Variants in LRRC37B observed in about 807,000 individuals in gnomAD.
LRRC37B encodes leucine rich repeat containing 37B.
A neutral mutation model predicts 98.3 loss-of-function variants in LRRC37B; 28 were observed. That is an observed-to-expected ratio of 0.28 (90% CI 0.21 to 0.39). The LOEUF is 0.39. Among genes scored for constraint, LRRC37B ranks in the 10% least tolerant of loss-of-function variants. The probability of loss-of-function intolerance (pLI) is 1.00; values close to 1 mark genes in which losing one functional copy is unlikely to be tolerated. For missense variants in LRRC37B, 938 were observed against 1,182.7 expected (o/e 0.79, Z 3.03); for synonymous variants, 364 against 442.7 (o/e 0.82, Z 2.23).
At chr17:32,043,845 A>G (rs556566846) in intron 7 of LRRC37B, among the ~76,000 whole-genome samples, 2 of 145,454 alleles carry the variant, frequency 1.4e-5, no homozygotes, top group South Asian at 2.4e-4. Context: ...TGGCCCTAAC[A>G]AAGTCATCCT....
Position 32,021,377 on chromosome 17 carries a change from C to T in LRRC37B, c.312C>T (p.Pro104=), listed in dbSNP as rs757040440. The change falls in exon 1 of 12, where the codon CCC becomes CCT. Residue 104 remains proline (P), a synonymous_variant. Coordinates refer to ENST00000327564, the Ensembl canonical transcript of LRRC37B. Reference sequence around the variant, plus strand: ...CGGGGGACTTTGATTACCTGGGGCCCTCTGCTTCTTCGCAGATGTCAGCCC... The same window carrying T: ...CGGGGGACTTTGATTACCTGGGGCCTTCTGCTTCTTCGCAGATGTCAGCCC... The T allele has an allele frequency of 3.1e-6, 5 of 1,613,962 alleles. No individual in the cohort carries two copies. The South Asian group carries it at 5.5e-5, about 18-fold the overall frequency.
chr17:32,044,628 C>T (rs536245027), intron 7 of LRRC37B, among the ~76,000 whole-genome samples: 364 of 152,180 alleles, frequency 2.4e-3, no homozygotes, highest in African/African-American at 7.9e-3. Context: ...ACTTGTAATC[C>T]CAGCACTTTG....
intron 7 of LRRC37B, among the ~76,000 whole-genome samples, chr17:32,038,141 G>C (rs1191529514): frequency 6.6e-6 from 1 of 150,960 alleles, no homozygotes; most frequent in Non-Finnish European, 1.5e-5. Context: ...AAAAAAAAAA[G>C]AGTGCTTTAT....
At chr17:32,031,778 C>T (rs1247357476) in intron 5 of LRRC37B, among the ~76,000 whole-genome samples, 4 of 151,370 alleles carry the variant, frequency 2.6e-5, no homozygotes, top group African/African-American at 4.8e-5. Context: ...CTGAGGGGGG[C>T]GGATCACCTG....
At chr17:32,007,639 G>A (rs1220524871), upstream of LRRC37B, among the ~76,000 whole-genome samples, 3 of 151,306 alleles carry the variant, frequency 2.0e-5, no homozygotes, top group African/African-American at 7.3e-5. This position sits in a 1 kb window ranked among gnomAD's most constrained non-coding sequence, Gnocchi z 4.1. Flanking sequence ...CGACCAAGCA[G>A]CCCGCGGCTC....
Position 32,034,906 on chromosome 17 carries a change from T to C in LRRC37B, c.2058-4T>C. 6.2e-7 allele frequency: 1 copy of C among 1,608,486 alleles called. No homozygotes were observed. The highest frequency in any genetic ancestry group is 8.5e-7 in the Non-Finnish European group (1 of 1,176,120). On this transcript the variant is annotated splice_polypyrimidine_tract_variant and splice_region_variant and intron_variant, in intron 5 of 11. Coordinates refer to ENST00000327564, the Ensembl canonical transcript of LRRC37B. The stretch of plus-strand genomic sequence containing the variant: ...GGTAATTTTAATTTCATTGCATTTT[T>C]CAGAATTCTCAATCGCAATCCTCTG...
At chr17:32,034,227 C>T (rs960465492) in intron 5 of LRRC37B, among the ~76,000 whole-genome samples, 1 of 151,898 alleles carries the variant, frequency 6.6e-6, no homozygotes, top group Non-Finnish European at 1.5e-5. Flanking sequence ...AGCAGTCAGG[C>T]GCAGTGTCTC....
chr17:32,025,017 C>CT (rs995777918), intron 2 of LRRC37B, among the ~76,000 whole-genome samples: 1 of 80,928 alleles, frequency 1.2e-5, no homozygotes, highest in African/African-American at 4.3e-5. Context: ...TGGTTATATT[C>CT]TTTTTTTTCC....
intron 7 of LRRC37B, among the ~76,000 whole-genome samples, chr17:32,039,592 T>A (rs1293078754): frequency 7.7e-6 from 1 of 130,536 alleles, no homozygotes; most frequent in Non-Finnish European, 1.6e-5. Flanking sequence ...TTTTATATAT[T>A]TATATATATT....
chr17:32,014,719 T>G (rs781775295), intron 1 of LRRC37B, among the ~76,000 whole-genome samples: 1 of 152,162 alleles, frequency 6.6e-6, no homozygotes, highest in Non-Finnish European at 1.5e-5. Flanking sequence ...GATAGATAGA[T>G]AGATAGATAC....
intron 1 of LRRC37B, among the ~76,000 whole-genome samples, chr17:32,008,904 A>T (rs1910468781): frequency 6.6e-6 from 1 of 152,216 alleles, no homozygotes; most frequent in Non-Finnish European, 1.5e-5. Flanking sequence ...AGCTGCCCCA[A>T]ACATTTCCAT....
chr17:32,052,779 A>C (rs1371920427), intron 11 of LRRC37B: 1 of 152,218 alleles, frequency 6.6e-6, no homozygotes, highest in Non-Finnish European at 1.5e-5. Flanking sequence ...GTCTTTAATA[A>C]AAATAAAAAT....
At chr17:32,013,872 CAAT>C (rs1910593087) in intron 1 of LRRC37B, among the ~76,000 whole-genome samples, 1 of 152,058 alleles carries the variant, frequency 6.6e-6, no homozygotes, top group Non-Finnish European at 1.5e-5. Context: ...TATACATATA[CAAT>C]GCATGTATGA....
At chr17:32,029,167 A>G (rs1292573742) in intron 3 of LRRC37B, among the ~76,000 whole-genome samples, 2 of 151,840 alleles carry the variant, frequency 1.3e-5, no homozygotes, top group African/African-American at 2.4e-5. Flanking sequence ...ATGCCCAGCT[A>G]ATTTATTGTA....
rs1156588960 is a variant in LRRC37B, at chr17:32,027,351, GTGTGTGTGTGCT to G, written c.1833-395_1833-384del. On this transcript the variant is annotated intron_variant, in intron 2 of 11. Transcript: ENST00000327564. ...TGTGCTTGCACGTGTGTGCTTGCTT[GTGTGTGTGTGCT>G]TGTGTGTGTGCTTGTGTGTGTGTGC... Among the ~76,000 whole-genome samples, 749 of 151,868 alleles carry G rather than the reference GTGTGTGTGTGCT, an allele frequency of 4.9e-3. 7 individuals carry two copies. The highest frequency in any genetic ancestry group is 0.014 in the African/African-American group (572 of 41,380).
exon 6 of LRRC37B, chr17:32,034,980 C>T (rs761499101): frequency 3.1e-6 from 5 of 1,588,342 alleles, no homozygotes; most frequent in Non-Finnish European, 4.3e-6. Context: ...ATTAAAATAT[C>T]TGTAAGTACT....
rs1482139138 is a variant in LRRC37B at position 32,034,373 on chromosome 17, G to A, written c.2058-537G>A. 2.0e-5 allele frequency among the ~76,000 whole-genome samples: 3 copies of A among 151,722 alleles called. No homozygotes were observed. The South Asian group carries it at 6.2e-4, about 32-fold the overall frequency. On this transcript the variant is annotated intron_variant, in intron 5 of 11. Transcript: ENST00000327564. Reference sequence around the variant, plus strand: ...AAAAATTAGCTGGGCGTGGTGGTGGGCAACTGTAATCCCAGCTACTCAGGA... The same window carrying A: ...AAAAATTAGCTGGGCGTGGTGGTGGACAACTGTAATCCCAGCTACTCAGGA...
At chr17:32,034,181 C>T (rs1911179616) in intron 5 of LRRC37B, 1 of 151,974 alleles carries the variant, frequency 6.6e-6, no homozygotes, top group Admixed American at 6.6e-5. Flanking sequence ...GCAAATTAAA[C>T]CATAAATTTA....
intron 7 of LRRC37B, chr17:32,041,451 T>G (rs745531573): frequency 1.4e-6 from 1 of 702,220 alleles, no homozygotes; most frequent in Non-Finnish European, 2.7e-6. Flanking sequence ...CGAGAACTGG[T>G]ACCAGGGCAT....
Sources: allele counts gnomAD v4.1 joint callset (sites outside exome capture counted in the v4.1 genomes callset), GRCh38; gene constraint gnomAD v4.1.1; non-coding constraint Gnocchi (gnomAD v3.1); transcripts MANE v1.5; gene names NCBI Gene and HGNC (gene_info 2026-07-23, HGNC 2026-07-21).